The following PEX5L variants were observed in gnomAD, a reference collection of about 807,000 sequenced individuals.
The protein encoded by PEX5L is PEX5-related protein.
PEX5L carries 30 observed loss-of-function variants against 84.0 expected under a neutral mutation model. The ratio of observed to expected loss-of-function variants is 0.36; its 90% CI spans 0.27 to 0.48. PEX5L has a LOEUF of 0.48. PEX5L is among the 20% of genes least tolerant of loss of function. PEX5L has a pLI of 0.99. For synonymous variants in PEX5L, 270 were observed against 283.1 expected, an observed-to-expected ratio of 0.95 and a Z score of 0.46; for missense variants, 533 against 754.6, an observed-to-expected ratio of 0.71 and a Z score of 3.44.
Position 179,809,628 on chromosome 3 carries a change from C to A in PEX5L, c.1195G>T (p.Ala399Ser). The A allele has an allele frequency of 6.2e-7, 1 of 1,612,662 alleles. No individual in the cohort carries two copies. The highest frequency in any genetic ancestry group is 8.5e-7 in the Non-Finnish European group (1 of 1,179,688). ...GTGTTAGTATAACTCACAGCCAAGGCCATCAAAGCTTTTAAGTTGTTGGGC... is the reference window on the plus strand; with the variant it reads ...GTGTTAGTATAACTCACAGCCAAGGACATCAAAGCTTTTAAGTTGTTGGGC... ...LQPNNLKALMALAVSYTNTGH... is the reference protein window; with the variant it reads ...LQPNNLKALMSLAVSYTNTGH... Residue 399 changes from alanine (A) to serine (S), a missense_variant, in exon 12 of 15, where the codon GCC (alanine) becomes TCC (serine). Physicochemically the swap from Ala to Ser is moderately conservative, Grantham distance 99 (BLOSUM62 1). Around this residue, in one of 8 missense-constraint regions of PEX5L, gnomAD observed 3 missense variants for 23.1 expected, o/e 0.13. Transcript: ENST00000467460.
intron 10 of PEX5L, 66 bp from the exon 11 acceptor site, chr3:179,811,937 T>C (rs1044875565): frequency 2.6e-5 from 34 of 1,307,578 alleles, no homozygotes; most frequent in Middle Eastern, 3.7e-4. Flanking sequence ...TTCAGTTGGT[T>C]TGTTGACCTG....
chr3:179,920,264 T>G (rs549955928), intron 2 of PEX5L, among the ~76,000 whole-genome samples: 1 of 152,320 alleles, frequency 6.6e-6, no homozygotes, highest in African/African-American at 2.4e-5. Flanking sequence ...TTCCAGGTGG[T>G]TTCTCCTTTC....
intron 3 of PEX5L, among the ~76,000 whole-genome samples, chr3:179,888,842 G>A (rs1000475882): frequency 5.9e-5 from 9 of 151,908 alleles, no homozygotes; most frequent in South Asian, 4.2e-4. Context: ...ATAACTCACC[G>A]CATCCTCGAA....
intron 2 of PEX5L, among the ~76,000 whole-genome samples, chr3:179,909,926 A>G (rs1039216123): frequency 1.2e-4 from 18 of 152,184 alleles, no homozygotes; most frequent in Non-Finnish European, 2.9e-5. Context: ...AACGGGAGAA[A>G]ATAAAATAAA....
Position 179,800,415 on chromosome 3 carries a change from T to G in PEX5L, c.*1413A>C, listed in dbSNP as rs537650769. 1 of 152,328 alleles carries G rather than the reference T, an allele frequency of 6.6e-6. No homozygotes were observed. Among genetic ancestry groups the G allele is most frequent in the African/African-American group, 2.4e-5 (1 of 41,556 alleles). 9.4% of individuals were successfully genotyped at this position (152,328 alleles called of 1,614,324 possible). A position where few individuals can be genotyped will look rare whatever the true frequency, so the allele number is the denominator to read the frequency against. On this transcript the variant is annotated 3_prime_UTR_variant, in exon 15 of 15. Coordinates refer to ENST00000467460, the MANE Select transcript of PEX5L (RefSeq NM_016559.3). ...ACCAGGTAAAGAAGAATGGGATAAC[T>G]TCTATACCTGACATTGGGAAAATTA...
chr3:179,946,781 A>G (rs548321655), intron 2 of PEX5L, among the ~76,000 whole-genome samples: 1 of 152,338 alleles, frequency 6.6e-6, no homozygotes, highest in East Asian at 1.9e-4. Context: ...CTCATTAATA[A>G]CAGCACACAG....
At chr3:179,974,040 T>A in intron 1 of PEX5L, 1 of 985,448 alleles carries the variant, frequency 1.0e-6, no homozygotes, top group Non-Finnish European at 1.2e-6. Flanking sequence ...GCGAGCATAA[T>A]CCTCTTTCAA....
At chr3:179,809,412 A>T in intron 12 of PEX5L, 59 bp downstream of exon 12, 2 of 1,292,050 alleles carry the variant, frequency 1.5e-6, no homozygotes, top group Non-Finnish European at 2.3e-6. Context: ...GTTGCCCTTT[A>T]GGTGATTCAT....
At chr3:179,919,308 A>G (rs1289112681) in intron 2 of PEX5L, among the ~76,000 whole-genome samples, 2 of 152,344 alleles carry the variant, frequency 1.3e-5, no homozygotes, top group Non-Finnish European at 2.9e-5. Context: ...AGATCTTCCC[A>G]CTACCACAGC....
intron 2 of PEX5L, among the ~76,000 whole-genome samples, chr3:179,920,122 T>C (rs1343259534): frequency 6.6e-6 from 1 of 152,212 alleles, no homozygotes; most frequent in Admixed American, 6.5e-5. Context: ...TCAGGCTCCC[T>C]GCTCTCACAT....
chr3:180,036,694 G>A lies in PEX5L; in HGVS notation c.-95C>T. On this transcript the variant is annotated 5_prime_UTR_variant, in exon 1 of 15. Coordinates refer to ENST00000467460, the MANE Select transcript of PEX5L (RefSeq NM_016559.3). ...AAAGAGGGGAAAAGGTGGGTGCACA[G>A]CGGGTTCTCAGAGGGTGCTCCTGAG... The A allele has an allele frequency of 7.0e-7, 1 of 1,434,376 alleles. No homozygotes were observed. Among genetic ancestry groups the A allele is most frequent in the Non-Finnish European group, 9.8e-7 (1 of 1,016,432 alleles). 88.9% of individuals were successfully genotyped at this position (1,434,376 alleles called of 1,614,324 possible). A position where few individuals can be genotyped will look rare whatever the true frequency, so the allele number is the denominator to read the frequency against.
At chr3:179,899,653 T>G (rs1172542496) in intron 2 of PEX5L, among the ~76,000 whole-genome samples, 1 of 152,208 alleles carries the variant, frequency 6.6e-6, no homozygotes, top group Non-Finnish European at 1.5e-5. Context: ...CAGAGGCAGC[T>G]TTTCTTTATG....
intron 4 of PEX5L, among the ~76,000 whole-genome samples, chr3:179,885,716 T>A (rs1468462384): frequency 6.6e-6 from 1 of 150,590 alleles, no homozygotes; most frequent in Non-Finnish European, 1.5e-5. Context: ...GAAGCACACA[T>A]GCAGAGAAAA....
intron 7 of PEX5L, among the ~76,000 whole-genome samples, chr3:179,863,925 G>C (rs1747196609): frequency 6.6e-6 from 1 of 152,046 alleles, no homozygotes. Flanking sequence ...TTGAATCATG[G>C]GGGCAGGTCT....
At chr3:179,930,761 A>G (rs756895860) in intron 2 of PEX5L, among the ~76,000 whole-genome samples, 3 of 152,192 alleles carry the variant, frequency 2.0e-5, no homozygotes, top group Admixed American at 1.3e-4. Context: ...TGCTTTTTCT[A>G]AAGACATTTT....
chr3:179,946,411 A>G (rs780008258), intron 2 of PEX5L, among the ~76,000 whole-genome samples: 1 of 152,226 alleles, frequency 6.6e-6, no homozygotes, highest in Non-Finnish European at 1.5e-5. Flanking sequence ...TTCACTAGAC[A>G]CCATCCCTTA....
chr3:179,820,084 T>A (rs1368371632), intron 8 of PEX5L, 108 bp from the exon 9 acceptor site: 4 of 1,519,060 alleles, frequency 2.6e-6, no homozygotes, highest in East Asian at 4.5e-5. Flanking sequence ...AGGAATAAAA[T>A]GGCTGATGAC....
chr3:179,910,308 C>A (rs534429116), intron 2 of PEX5L, among the ~76,000 whole-genome samples: 1 of 152,304 alleles, frequency 6.6e-6, no homozygotes, highest in African/African-American at 2.4e-5. Flanking sequence ...CAAATGGAGG[C>A]TTTAGTCACA....
intron 1 of PEX5L, among the ~76,000 whole-genome samples, chr3:179,998,918 C>T (rs999413292): frequency 2.0e-5 from 3 of 152,210 alleles, no homozygotes; most frequent in Admixed American, 1.3e-4. Flanking sequence ...GTCTGGTTCA[C>T]AGACGGTTCT....
Sources: gnomAD v4.1 joint callset for allele counts (sites outside exome capture counted in the v4.1 genomes callset) on GRCh38, gnomAD v4.1.1 for gene constraint, gnomAD v4.1.1 regional missense constraint, MANE v1.5 for transcripts, NCBI Gene and HGNC (gene_info 2026-07-23, HGNC 2026-07-21) for gene names.